Variants in ASH1L observed in about 807,000 individuals in gnomAD.
The protein encoded by ASH1L is ASH1 like histone lysine methyltransferase, also known as histone-lysine N-methyltransferase ASH1L.
In ASH1L, 23 loss-of-function variants were observed where a neutral mutation model predicts 269.0. The ratio of observed to expected loss-of-function variants is 0.09; its 90% confidence interval spans 0.06 to 0.12. The LOEUF (loss-of-function observed/expected upper bound fraction) is 0.12, where lower values mean the gene tolerates loss of function less well. ASH1L is among the 10% of genes least tolerant of loss of function. The pLI is 1.00. For synonymous variants in ASH1L, 1,187 were observed against 1,253.5 expected (o/e 0.95, Z 1.12); for missense variants, 2,912 against 3,567.8 (o/e 0.82, Z 4.68).
chr1:155,513,232 G>A (rs1255919229), intron 2 of ASH1L, among the ~76,000 whole-genome samples: 2 of 151,934 alleles, frequency 1.3e-5, no homozygotes, highest in Admixed American at 6.6e-5. Context: ...CAGCCCCTGT[G>A]GAAAACAGTA....
chr1:155,562,904 C>A (rs760647154), upstream of ASH1L: 17 of 454,704 alleles, frequency 3.7e-5, no homozygotes, highest in South Asian at 1.2e-4. Flanking sequence ...GCCAGCCCCC[C>A]CTACCACCCT....
At chr1:155,476,876 T>C (rs571450405) in intron 3 of ASH1L, among the ~76,000 whole-genome samples, 3 of 152,058 alleles carry the variant, frequency 2.0e-5, no homozygotes, top group Admixed American at 6.6e-5. Flanking sequence ...TTTAATCTTT[T>C]AGGGGAATAA....
intron 1 of ASH1L, among the ~76,000 whole-genome samples, chr1:155,529,349 ATCT>A (rs1306013632): frequency 5.1e-5 from 6 of 117,284 alleles, no homozygotes; most frequent in Non-Finnish European, 1.1e-4. Context: ...CCTTGCCAGC[ATCT>A]TTTTTTTTTT....
intron 2 of ASH1L, among the ~76,000 whole-genome samples, chr1:155,497,835 C>T (rs1032147077): frequency 1.2e-4 from 19 of 152,008 alleles, no homozygotes; most frequent in Admixed American, 8.5e-4. Flanking sequence ...CTGCAAGTTC[C>T]GCCTCCCGGG....
intron 1 of ASH1L, among the ~76,000 whole-genome samples, chr1:155,556,468 A>T (rs6678010): frequency 6.6e-6 from 1 of 150,768 alleles, no homozygotes. Context: ...TTTTTGAGAC[A>T]GAGTTTCACT....
At chr1:155,497,252 A>G (rs1400904646) in intron 2 of ASH1L, among the ~76,000 whole-genome samples, 1 of 152,238 alleles carries the variant, frequency 6.6e-6, no homozygotes, top group African/African-American at 2.4e-5. Context: ...TTAGTTAGTC[A>G]CAACAGCCAA....
chr1:155,511,058 A>G (rs545351174), intron 2 of ASH1L, among the ~76,000 whole-genome samples: 13 of 152,318 alleles, frequency 8.5e-5, no homozygotes, highest in Non-Finnish European at 1.8e-4. Flanking sequence ...CCAAGTAATA[A>G]AAGTATGAAA....
rs1666221511 is a variant in ASH1L, at chr1:155,484,945, AAAAACAAAAACAAAAAC to A, written c.421-2513_421-2497del. ...CTCTGTCTCAAAAAAAAAAAAAAAC[AAAAACAAAAACAAAAAC>A]AAAAACCAACCAACCACCCGGTGCA... On this transcript the variant is annotated intron_variant, in intron 2 of 27. Coordinates refer to ENST00000392403, the MANE Select transcript of ASH1L (RefSeq NM_018489.3). Among the ~76,000 whole-genome samples the A allele has an allele frequency of 5.5e-5, 4 of 73,014 alleles. 1 individual carries two copies. Among genetic ancestry groups the A allele is most frequent in the African/African-American group, 2.3e-4 (4 of 17,150 alleles). The allele number at this position is 73,014 out of a possible 152,430, so 47.9% of individuals were successfully genotyped here.
chr1:155,561,164 C>G lies in ASH1L; in HGVS notation c.-100+989G>C, dbSNP rs1160347989. 2.6e-5 allele frequency among the ~76,000 whole-genome samples: 4 copies of G among 152,036 alleles called. 1 individual carries two copies. The highest frequency in any genetic ancestry group is 1.3e-4 in the Admixed American group (2 of 15,230). On this transcript the variant is annotated intron_variant, in intron 1 of 27. Transcript: ENST00000392403. ...GGAAGAAAGCATCCTACCATTTTCA[C>G]AGAGATTCAGTATCACAAAAAAACT...
intron 4 of ASH1L, among the ~76,000 whole-genome samples, chr1:155,445,088 G>A (rs1203755382): frequency 6.6e-6 from 1 of 152,096 alleles, no homozygotes; most frequent in Non-Finnish European, 1.5e-5. Context: ...GTATGAAACA[G>A]GGTCAGTGAT....
chr1:155,453,458 G>A (rs555278068), intron 4 of ASH1L, among the ~76,000 whole-genome samples: 31 of 152,120 alleles, frequency 2.0e-4, no homozygotes, highest in Admixed American at 5.2e-4. Context: ...ATTCCATACC[G>A]TCATAATAAT....
At chr1:155,471,550 T>C (rs1665100488) in intron 3 of ASH1L, among the ~76,000 whole-genome samples, 1 of 152,236 alleles carries the variant, frequency 6.6e-6, no homozygotes, top group African/African-American at 2.4e-5. Flanking sequence ...AATATAGTGA[T>C]GTGCTGGGAG....
At chr1:155,504,532 A>G (rs1257148804) in intron 2 of ASH1L, among the ~76,000 whole-genome samples, 2 of 152,152 alleles carry the variant, frequency 1.3e-5, no homozygotes, top group African/African-American at 4.8e-5. Flanking sequence ...TATTTGTAAA[A>G]TAAAAGTCAG....
At chr1:155,519,860 T>C (rs551496539) in intron 2 of ASH1L, among the ~76,000 whole-genome samples, 2 of 152,060 alleles carry the variant, frequency 1.3e-5, no homozygotes, top group South Asian at 2.1e-4. Context: ...GGTTTCATCA[T>C]GTTGGCCACG....
chr1:155,433,698 T>A, intron 5 of ASH1L: 1 of 1,598,794 alleles, frequency 6.3e-7, no homozygotes, highest in Non-Finnish European at 8.5e-7. Flanking sequence ...ACCCTGGGGG[T>A]TCTATTTGGG....
chr1:155,378,680 T>A, intron 8 of ASH1L, 132 bp from the exon 9 acceptor site: 1 of 701,176 alleles, frequency 1.4e-6, no homozygotes. Context: ...ACATTTTGGG[T>A]TGGATACATT....
intron 3 of ASH1L, among the ~76,000 whole-genome samples, chr1:155,471,743 T>C (rs1425442781): frequency 2.0e-5 from 3 of 152,206 alleles, no homozygotes; most frequent in Non-Finnish European, 2.9e-5. Flanking sequence ...GTTACCAAAA[T>C]TGAGGGGGTT....
intron 4 of ASH1L, among the ~76,000 whole-genome samples, chr1:155,456,268 A>C (rs1179111836): frequency 6.6e-6 from 1 of 152,232 alleles, no homozygotes. Flanking sequence ...ATTGCTGGAA[A>C]TAAAGAGCTC....
intron 5 of ASH1L, among the ~76,000 whole-genome samples, chr1:155,437,881 G>A (rs1662226365): frequency 6.6e-6 from 1 of 152,204 alleles, no homozygotes; most frequent in Non-Finnish European, 1.5e-5. Context: ...TTGAGACAGG[G>A]TCTCGCTCTG....
Sources: gnomAD v4.1 joint callset for allele counts (sites outside exome capture counted in the v4.1 genomes callset) on GRCh38, gnomAD v4.1.1 for gene constraint, MANE v1.5 for transcripts, NCBI Gene and HGNC (gene_info 2026-07-23, HGNC 2026-07-21) for gene names.